MACROD2: variants seen among roughly 807,000 people sequenced by gnomAD.
The protein encoded by MACROD2 is ADP-ribose glycohydrolase MACROD2.
Under a neutral mutation model 70.4 loss-of-function variants are expected in MACROD2, and 36 were observed. That is an observed-to-expected ratio of 0.51 (90% CI 0.39 to 0.68). The LOEUF (loss-of-function observed/expected upper bound fraction) is 0.68. MACROD2 is among the 30% of genes least tolerant of loss of function. The pLI is 0.00. For missense variants in MACROD2, 496 were observed against 538.4 expected, an observed-to-expected ratio of 0.92 and a Z score of 0.78; for synonymous variants, 172 against 178.8, an observed-to-expected ratio of 0.96 and a Z score of 0.30.
At chr20:14,932,003 TAAAAAA>T (rs11483683) in intron 5 of MACROD2, among the ~76,000 whole-genome samples, 16 of 135,892 alleles carry the variant, frequency 1.2e-4, no homozygotes, top group African/African-American at 3.6e-4. Flanking sequence ...CCCTGTTTCT[TAAAAAA>T]AAAAAAAAAA....
intron 3 of MACROD2, among the ~76,000 whole-genome samples, chr20:14,410,404 G>T (rs1210737905): frequency 6.6e-6 from 1 of 151,846 alleles, no homozygotes; most frequent in Admixed American, 6.6e-5. Flanking sequence ...CTTCTAGTAG[G>T]CCCCAGTGTC....
intron 8 of MACROD2, among the ~76,000 whole-genome samples, chr20:15,523,239 A>G (rs933995959): frequency 2.6e-5 from 4 of 152,242 alleles, no homozygotes; most frequent in African/African-American, 9.6e-5. Flanking sequence ...TGAGGGAAGG[A>G]CGTTGCTGTA....
chr20:14,124,321 C>A (rs1332984240), intron 3 of MACROD2, among the ~76,000 whole-genome samples: 1 of 152,068 alleles, frequency 6.6e-6, no homozygotes, highest in Non-Finnish European at 1.5e-5. Context: ...AGGGAATATA[C>A]CATGTGAGCT....
At chr20:14,748,065 T>C (rs2071822738) in intron 5 of MACROD2, among the ~76,000 whole-genome samples, 1 of 152,146 alleles carries the variant, frequency 6.6e-6, no homozygotes, top group African/African-American at 2.4e-5. Flanking sequence ...GTACCAGATG[T>C]ACCACATATA....
chr20:15,116,571 G>A (rs1173767764), intron 5 of MACROD2, among the ~76,000 whole-genome samples: 1 of 152,158 alleles, frequency 6.6e-6, no homozygotes, highest in Non-Finnish European at 1.5e-5. Context: ...CTTAAACCTG[G>A]GAGGCGGAGG....
chr20:14,555,392 T>G (rs958508476), intron 4 of MACROD2, among the ~76,000 whole-genome samples: 3 of 152,072 alleles, frequency 2.0e-5, no homozygotes, highest in African/African-American at 7.2e-5. Flanking sequence ...TTATGTGAGC[T>G]CCTCCAAGTT....
chr20:15,020,986 GTGTA>G (rs760011991), intron 5 of MACROD2, among the ~76,000 whole-genome samples: 6 of 147,606 alleles, frequency 4.1e-5, no homozygotes, highest in South Asian at 2.1e-4. Flanking sequence ...ATACACATGT[GTGTA>G]TATGTATATG....
chr20:14,048,218 A>T (rs2053506936), intron 2 of MACROD2, among the ~76,000 whole-genome samples: 1 of 152,204 alleles, frequency 6.6e-6, no homozygotes, highest in South Asian at 2.1e-4. Context: ...TCAGACTCAG[A>T]TCCATCTCCC....
chr20:15,291,109 T>G (rs2077537378), intron 6 of MACROD2, among the ~76,000 whole-genome samples: 1 of 152,190 alleles, frequency 6.6e-6, no homozygotes, highest in African/African-American at 2.4e-5. Context: ...TGTTGCAAAT[T>G]TGTGAATTCT....
intron 6 of MACROD2, among the ~76,000 whole-genome samples, chr20:15,389,798 A>G (rs1443652500): frequency 6.6e-6 from 1 of 152,230 alleles, no homozygotes; most frequent in Admixed American, 6.5e-5. Flanking sequence ...ACCGTTAATT[A>G]TCTCTTAAAT....
intron 8 of MACROD2, among the ~76,000 whole-genome samples, chr20:15,614,142 A>G (rs1207163717): frequency 6.6e-6 from 1 of 152,206 alleles, no homozygotes; most frequent in Non-Finnish European, 1.5e-5. Context: ...TAATTACCTT[A>G]ATTACTTCCA....
At chr20:15,110,401 C>T (rs777530700) in intron 5 of MACROD2, among the ~76,000 whole-genome samples, 20 of 152,058 alleles carry the variant, frequency 1.3e-4, no homozygotes, top group Non-Finnish European at 4.4e-5. Context: ...AAATTATTGT[C>T]ATACAATTTG....
intron 5 of MACROD2, among the ~76,000 whole-genome samples, chr20:14,851,012 A>T: frequency 6.6e-6 from 1 of 152,258 alleles, no homozygotes; most frequent in Admixed American, 6.5e-5. Flanking sequence ...GTGATAGGAC[A>T]TACCTTTTGC....
At chr20:14,846,047 T>C (rs1260430426) in intron 5 of MACROD2, among the ~76,000 whole-genome samples, 2 of 152,228 alleles carry the variant, frequency 1.3e-5, no homozygotes, top group African/African-American at 4.8e-5. Flanking sequence ...TAATATTTAT[T>C]TCATCTAGCA....
chr20:14,689,614 A>G lies in MACROD2; in HGVS notation c.418+4655A>G, dbSNP rs182539178. Among the ~76,000 whole-genome samples the G allele has an allele frequency of 5.1e-4, 77 of 152,314 alleles. No individual in the cohort carries two copies. In the Middle Eastern group the frequency reaches 0.01, roughly 20 times the overall value. On this transcript the variant is annotated intron_variant, in intron 5 of 17. Coordinates refer to ENST00000684519, the MANE Select transcript of MACROD2 (RefSeq NM_001351661.2). ...TGGTGTGTCTATGCATGGGGTCTGT[A>G]TCTGAGCTATCTAGAAAGCTCTTTC...
intron 3 of MACROD2, among the ~76,000 whole-genome samples, chr20:14,319,732 C>G (rs143960121): frequency 2.6e-5 from 4 of 152,214 alleles, no homozygotes; most frequent in African/African-American, 9.6e-5. Context: ...TTCCTTGACT[C>G]CATAATATTT....
intron 6 of MACROD2, among the ~76,000 whole-genome samples, chr20:15,376,149 A>G (rs1457342894): frequency 1.3e-5 from 2 of 152,222 alleles, no homozygotes; most frequent in African/African-American, 2.4e-5. Flanking sequence ...ACTTGTTATT[A>G]ATACTTGCTT....
intron 8 of MACROD2, among the ~76,000 whole-genome samples, chr20:15,588,088 A>G (rs2048627329): frequency 6.6e-6 from 1 of 152,186 alleles, no homozygotes; most frequent in Non-Finnish European, 1.5e-5. Context: ...AGGTGTTTCC[A>G]TACATCTTCT....
At chr20:15,181,877 A>G (rs2076503269) in intron 5 of MACROD2, among the ~76,000 whole-genome samples, 1 of 152,174 alleles carries the variant, frequency 6.6e-6, no homozygotes, top group African/African-American at 2.4e-5. Flanking sequence ...CCTTTGAAGA[A>G]GATTATTTGC....
Sources: gnomAD v4.1 joint callset for allele counts (sites outside exome capture counted in the v4.1 genomes callset) on GRCh38, gnomAD v4.1.1 for gene constraint, MANE v1.5 for transcripts, NCBI Gene and HGNC (gene_info 2026-07-23, HGNC 2026-07-21) for gene names.